Variants in ANKFN1 observed in about 807,000 individuals in gnomAD.
ANKFN1 encodes the protein ankyrin repeat and fibronectin type-III domain-containing protein 1.
Under a neutral mutation model 108.7 loss-of-function variants are expected in ANKFN1, and 74 were observed. The ratio of observed to expected loss-of-function variants is 0.68; its 90% CI spans 0.56 to 0.83. ANKFN1 has a LOEUF of 0.83. Ranked by LOEUF, ANKFN1 falls within the 40% of genes least tolerant of loss-of-function variation. The pLI, the probability that ANKFN1 is intolerant of heterozygous loss-of-function variation, is 0.00. For missense variants in ANKFN1, 1,505 were observed against 1,382.3 expected, an observed-to-expected ratio of 1.09 and a Z score of -1.41; for synonymous variants, 547 against 516.2, an observed-to-expected ratio of 1.06 and a Z score of -0.81.
intron 8 of ANKFN1, among the ~76,000 whole-genome samples, chr17:56,382,149 A>G (rs963143205): frequency 1.3e-5 from 2 of 152,258 alleles, no homozygotes; most frequent in African/African-American, 4.8e-5. Context: ...AAACTCTACA[A>G]GCCAGAAGAG....
chr17:56,200,043 C>T (rs913479832), intron 1 of ANKFN1, among the ~76,000 whole-genome samples: 2 of 152,096 alleles, frequency 1.3e-5, no homozygotes, highest in African/African-American at 4.8e-5. Context: ...GTATCCTAGG[C>T]ATTTGGTTGT....
At chr17:56,350,330 A>G (rs1439520537) in intron 4 of ANKFN1, among the ~76,000 whole-genome samples, 1 of 152,148 alleles carries the variant, frequency 6.6e-6, no homozygotes, top group Non-Finnish European at 1.5e-5. Flanking sequence ...TCACTTTCTT[A>G]TATACCCAAC....
At chr17:56,047,446 T>C (rs1567776877) in intron 4 of ANKFN1, among the ~76,000 whole-genome samples, 1 of 151,792 alleles carries the variant, frequency 6.6e-6, no homozygotes, top group Non-Finnish European at 1.5e-5. Flanking sequence ...GGTTGAAGAG[T>C]CTGAGGCACT....
chr17:56,256,465 G>C (rs2043359717), intron 3 of ANKFN1, among the ~76,000 whole-genome samples: 1 of 152,172 alleles, frequency 6.6e-6, no homozygotes, highest in African/African-American at 2.4e-5. Flanking sequence ...TTGGGGTTGT[G>C]AAACCTGGAG....
chr17:56,450,198 G>A (rs964972228), intron 11 of ANKFN1, among the ~76,000 whole-genome samples: 4 of 151,914 alleles, frequency 2.6e-5, no homozygotes, highest in South Asian at 2.1e-4. Context: ...AGTGAGTTAC[G>A]ATCATGCCAC....
intron 1 of ANKFN1, among the ~76,000 whole-genome samples, chr17:56,185,406 G>T (rs1912093243): frequency 6.6e-6 from 1 of 152,172 alleles, no homozygotes; most frequent in African/African-American, 2.4e-5. Context: ...ATAGGACAGG[G>T]TCTCCATAAC....
In ANKFN1 at chr17:56,440,331, A is replaced by G. The variant is rs764008058; in HGVS notation, c.915A>G (p.Glu305=). The G allele has an allele frequency of 1.9e-6, 3 of 1,607,496 alleles. No individual in the cohort carries two copies. In the South Asian group the frequency reaches 3.3e-5, roughly 18 times the overall value. The change falls in exon 9 of 21, where the codon GAA becomes GAG. Residue 305 remains glutamate, a synonymous_variant. Transcript: ENST00000682825. ...CTGCCCCCCTACTCCCTCCAGTGGAATGGAGTATGTCCGAAGACTTTTCTC... is the reference window on the plus strand; with the variant it reads ...CTGCCCCCCTACTCCCTCCAGTGGAGTGGAGTATGTCCGAAGACTTTTCTC... ...NAAVVTRYKV[E]WSMSEDFSPL...
At chr17:56,071,505 T>C (rs1331208238) in intron 4 of ANKFN1, among the ~76,000 whole-genome samples, 1 of 152,234 alleles carries the variant, frequency 6.6e-6, no homozygotes, top group Non-Finnish European at 1.5e-5. Flanking sequence ...AACTTAACAT[T>C]TGTTGTATTC....
At chr17:56,399,522 A>G (rs1328150191) in intron 8 of ANKFN1, among the ~76,000 whole-genome samples, 1 of 151,626 alleles carries the variant, frequency 6.6e-6, no homozygotes, top group Non-Finnish European at 1.5e-5. Flanking sequence ...TACAGGTGGT[A>G]TTCGGTTACA....
intron 8 of ANKFN1, among the ~76,000 whole-genome samples, chr17:56,418,513 G>A (rs2048306491): frequency 1.3e-5 from 2 of 152,154 alleles, no homozygotes; most frequent in African/African-American, 4.8e-5. Context: ...AGATGGCAGT[G>A]TGATGAGATC....
At chr17:56,287,030 T>C (rs555171494) in intron 3 of ANKFN1, among the ~76,000 whole-genome samples, 23 of 152,252 alleles carry the variant, frequency 1.5e-4, no homozygotes, top group Middle Eastern at 3.4e-3. Context: ...TAATCAGAAA[T>C]ACTTTAATCC....
chr17:56,417,899 G>C (rs2048288108), intron 8 of ANKFN1, among the ~76,000 whole-genome samples: 1 of 152,150 alleles, frequency 6.6e-6, no homozygotes, highest in South Asian at 2.1e-4. Flanking sequence ...AGATAGTTTT[G>C]TTCACACAGG....
intron 1 of ANKFN1, chr17:56,174,122 G>T: frequency 1.1e-6 from 1 of 936,442 alleles, no homozygotes; most frequent in Non-Finnish European, 1.3e-6. Context: ...TGACATTGTG[G>T]GTGGTGCAGT....
intron 1 of ANKFN1, among the ~76,000 whole-genome samples, chr17:56,212,319 C>T (rs1002638018): frequency 6.6e-6 from 1 of 151,876 alleles, no homozygotes; most frequent in Non-Finnish European, 1.5e-5. Context: ...GTTTTTAATT[C>T]TGTTTGTGTG....
intron 8 of ANKFN1, among the ~76,000 whole-genome samples, chr17:56,428,374 TA>T (rs2048643441): frequency 4.0e-5 from 1 of 24,940 alleles, no homozygotes; most frequent in Admixed American, 9.5e-4. Context: ...TTTCAGGATT[TA>T]TTTTTTTTAC....
intron 3 of ANKFN1, among the ~76,000 whole-genome samples, chr17:56,263,515 T>C (rs1182157252): frequency 6.6e-6 from 1 of 152,222 alleles, no homozygotes; most frequent in Non-Finnish European, 1.5e-5. Context: ...TTATACACCA[T>C]TAAAGGTTAA....
intron 6 of ANKFN1, among the ~76,000 whole-genome samples, chr17:56,354,499 A>G (rs1288804439): frequency 6.6e-6 from 1 of 152,228 alleles, no homozygotes; most frequent in Non-Finnish European, 1.5e-5. Flanking sequence ...GAACAAGACA[A>G]AAGTCCCTAT....
chr17:56,133,716 G>A (rs1653595510), intron 4 of ANKFN1, among the ~76,000 whole-genome samples: 1 of 152,054 alleles, frequency 6.6e-6, no homozygotes, highest in Non-Finnish European at 1.5e-5. Flanking sequence ...CTTTGTCAGT[G>A]TAGACAATCA....
At chr17:56,427,384 GTA>G (rs1206790350) in intron 8 of ANKFN1, among the ~76,000 whole-genome samples, 1 of 152,196 alleles carries the variant, frequency 6.6e-6, no homozygotes, top group East Asian at 1.9e-4. Flanking sequence ...GGCCAGCAAT[GTA>G]CACGAGTCTT....
Sources: gnomAD v4.1 joint callset for allele counts (sites outside exome capture counted in the v4.1 genomes callset) on GRCh38, gnomAD v4.1.1 for gene constraint, MANE v1.5 for transcripts, NCBI Gene and HGNC (gene_info 2026-07-23, HGNC 2026-07-21) for gene names.